Variants in PRMT8 observed in about 807,000 individuals in gnomAD.
PRMT8 encodes the protein protein arginine N-methyltransferase 8.
In PRMT8, 7 loss-of-function variants were observed where a neutral mutation model predicts 47.1. The observed-to-expected ratio is 0.15, with a 90% CI of 0.08 to 0.28. The LOEUF is 0.28. Ranked by LOEUF, PRMT8 falls within the 10% of genes least tolerant of loss-of-function variation. The probability of loss-of-function intolerance (pLI) is 1.00; values close to 1 mark genes in which losing one functional copy is unlikely to be tolerated. For missense variants in PRMT8, 237 were observed against 505.4 expected (o/e 0.47, Z 5.09); for synonymous variants, 188 against 186.5 (o/e 1.01, Z -0.07).
chr12:3,576,771 C>A lies in PRMT8; in HGVS notation c.713-100C>A. ...TTTCGATGCAAGGGAACTCGAGCTG[C>A]CACTCAGCCCTCAGGCACGCTGTGC... On this transcript the variant is annotated intron_variant, in intron 6 of 9. Transcript: ENST00000382622. This position sits in a 1 kb window ranked among gnomAD's most constrained non-coding sequence, Gnocchi z 4.0. 2.3e-6 allele frequency: 2 copies of A among 853,030 alleles called. No homozygotes were observed. Among genetic ancestry groups the A allele is most frequent in the Non-Finnish European group, 3.8e-6 (2 of 520,528 alleles). 52.8% of individuals were successfully genotyped at this position (853,030 alleles called of 1,614,324 possible).
chr12:3,434,264 A>G (rs527899016), intron 1 of PRMT8, among the ~76,000 whole-genome samples: 1 of 152,122 alleles, frequency 6.6e-6, no homozygotes, highest in African/African-American at 2.4e-5. Context: ...CTCCAGAGAA[A>G]CCCCTGCATT....
chr12:3,441,704 G>A (rs926101347), intron 1 of PRMT8, among the ~76,000 whole-genome samples: 11 of 152,232 alleles, frequency 7.2e-5, no homozygotes, highest in Admixed American at 5.2e-4. Context: ...GGTTCCATTA[G>A]GAGAGTTCAG....
intron 4 of PRMT8, among the ~76,000 whole-genome samples, chr12:3,558,496 G>A (rs1565441233): frequency 1.3e-5 from 2 of 152,170 alleles, no homozygotes. Flanking sequence ...TCCTTTTCAT[G>A]TTTTGTCAAT....
chr12:3,485,021 G>A (rs1258599642), intron 1 of PRMT8, among the ~76,000 whole-genome samples: 1 of 152,234 alleles, frequency 6.6e-6, no homozygotes, highest in Non-Finnish European at 1.5e-5. Flanking sequence ...AAAGGAAAGA[G>A]AGGGTGCACC....
intron 1 of PRMT8, among the ~76,000 whole-genome samples, chr12:3,422,689 G>C (rs1211589609): frequency 1.3e-5 from 2 of 152,222 alleles, no homozygotes; most frequent in Non-Finnish European, 1.5e-5. Context: ...GATAACACAA[G>C]CAGTTAGGTC....
intron 1 of PRMT8, among the ~76,000 whole-genome samples, chr12:3,510,009 G>A (rs1368257943): frequency 1.3e-5 from 2 of 152,220 alleles, no homozygotes; most frequent in Non-Finnish European, 2.9e-5. Flanking sequence ...AGACTGTAGG[G>A]AGCCCCTGAA....
At chr12:3,578,361 A>T (rs1402641174) in intron 7 of PRMT8, among the ~76,000 whole-genome samples, 2 of 152,162 alleles carry the variant, frequency 1.3e-5, no homozygotes, top group African/African-American at 4.8e-5. Context: ...AGTAGCTGAA[A>T]CTACGGCTAC....
In PRMT8 at chr12:3,568,976, C is replaced by T. The variant is rs112915840; in HGVS notation, c.624+128C>T. The stretch of plus-strand genomic sequence containing the variant: ...GAGGCCAGGAGGTCACTGCCCCAAG[C>T]CCCTCTCTCTAGAGCAGATCTGTAT... On this transcript the variant is annotated intron_variant, in intron 5 of 9. Transcript: ENST00000382622. The T allele has an allele frequency of 1.2e-4, 154 of 1,278,054 alleles. 2 individuals are homozygous for T. In the African/African-American group the frequency reaches 2.1e-3, roughly 17 times the overall value. 79.2% of individuals were successfully genotyped at this position (1,278,054 alleles called of 1,614,324 possible). A position where few individuals can be genotyped will look rare whatever the true frequency, so the allele number is the denominator to read the frequency against.
intron 1 of PRMT8, among the ~76,000 whole-genome samples, chr12:3,415,769 G>A (rs980084621): frequency 3.3e-5 from 5 of 152,200 alleles, no homozygotes; most frequent in Admixed American, 1.3e-4. Context: ...CCTCACTGTC[G>A]TTGTATGCAT....
At chr12:3,588,184 A>G (rs550840700) in intron 8 of PRMT8, among the ~76,000 whole-genome samples, 8 of 152,368 alleles carry the variant, frequency 5.3e-5, no homozygotes, top group African/African-American at 1.4e-4. Context: ...CCTTGGGCTC[A>G]GGCAGCTCCT....
chr12:3,573,071 T>C (rs542486584), intron 6 of PRMT8, among the ~76,000 whole-genome samples: 35 of 152,312 alleles, frequency 2.3e-4, no homozygotes, highest in Admixed American at 7.2e-4. Flanking sequence ...TCTACAAATA[T>C]TTTTTTCTGC....
At chr12:3,454,948 A>AGCT (rs1864958042) in intron 1 of PRMT8, among the ~76,000 whole-genome samples, 1 of 152,142 alleles carries the variant, frequency 6.6e-6, no homozygotes, top group African/African-American at 2.4e-5. Flanking sequence ...ACCCCATAGG[A>AGCT]GCTGACGCAC....
intron 1 of PRMT8, among the ~76,000 whole-genome samples, chr12:3,475,808 C>G (rs922629045): frequency 6.6e-6 from 1 of 152,140 alleles, no homozygotes; most frequent in Non-Finnish European, 1.5e-5. Context: ...AGGGGGAAGG[C>G]GGCCTGGTGT....
chr12:3,565,934 A>G (rs1866711998), intron 4 of PRMT8, among the ~76,000 whole-genome samples: 1 of 152,126 alleles, frequency 6.6e-6, no homozygotes, highest in African/African-American at 2.4e-5. Flanking sequence ...GCCTTGTACT[A>G]AACACTCAGG....
rs1865287094 is a variant in PRMT8 at position 3,482,815 on chromosome 12, T to G, written c.49-57791T>G. ...CTGAGGTCCACAATGAGCCTGGTTT[T>G]GGGTGAGGCAATTTACAGCAGCCCA... On this transcript the variant is annotated intron_variant, in intron 1 of 9. Coordinates refer to the PRMT8 transcript ENST00000452611. Among the ~76,000 whole-genome samples the G allele has an allele frequency of 2.6e-5, 4 of 152,196 alleles. No homozygotes were observed. In the South Asian group the frequency reaches 8.3e-4, roughly 32 times the overall value.
intron 1 of PRMT8, among the ~76,000 whole-genome samples, chr12:3,530,715 G>C (rs1194353725): frequency 6.6e-6 from 1 of 152,236 alleles, no homozygotes; most frequent in Non-Finnish European, 1.5e-5. Context: ...GGCTCTACGG[G>C]CAGCCAAAGC....
At chr12:3,556,167 C>T (rs1348953025) in intron 4 of PRMT8, among the ~76,000 whole-genome samples, 1 of 152,106 alleles carries the variant, frequency 6.6e-6, no homozygotes, top group South Asian at 2.1e-4. Context: ...TACGTGCGTC[C>T]AGAATTTCAG....
At chr12:3,505,068 G>A (rs13377902) in intron 1 of PRMT8, among the ~76,000 whole-genome samples, 43 of 139,910 alleles carry the variant, frequency 3.1e-4, no homozygotes, top group East Asian at 3.0e-3. Flanking sequence ...GCTCGCGCAC[G>A]GTGCGCACAC....
Position 3,569,575 on chromosome 12 carries a change from T to C in PRMT8, c.712+11T>C, listed in dbSNP as rs749540733. 1.2e-6 allele frequency: 2 copies of C among 1,610,202 alleles called. No individual in the cohort carries two copies. The highest frequency in any genetic ancestry group is 1.1e-5 in the South Asian group (1 of 90,972). On this transcript the variant is annotated intron_variant, in intron 6 of 9. Transcript: ENST00000382622. This position sits in a 1 kb window ranked among gnomAD's most constrained non-coding sequence, Gnocchi z 8.2. Reference sequence around the variant, plus strand: ...ACTTCAAAATCCACTGTAAGTCCCCTCTTGCTTCTCCGGTGGACTTCCACT... The same window carrying C: ...ACTTCAAAATCCACTGTAAGTCCCCCCTTGCTTCTCCGGTGGACTTCCACT...
Sources: gnomAD v4.1 joint callset for allele counts (sites outside exome capture counted in the v4.1 genomes callset) on GRCh38, gnomAD v4.1.1 for gene constraint, Gnocchi (gnomAD v3.1) non-coding constraint, MANE v1.5 for transcripts, NCBI Gene and HGNC (gene_info 2026-07-23, HGNC 2026-07-21) for gene names.